The following LRRC4C variants were observed in gnomAD, a reference collection of about 807,000 sequenced individuals.
LRRC4C encodes the protein leucine rich repeat containing 4C, also known as leucine-rich repeat-containing protein 4C.
In LRRC4C, 5 loss-of-function variants were observed where a neutral mutation model predicts 33.6. That is an observed-to-expected ratio of 0.15 (90% CI 0.08 to 0.31). The LOEUF (loss-of-function observed/expected upper bound fraction) is 0.31. Ranked by LOEUF, LRRC4C falls within the 10% of genes least tolerant of loss-of-function variation. LRRC4C has a pLI of 1.00. For missense variants in LRRC4C, 560 were observed against 796.7 expected (o/e 0.70, Z 3.58); for synonymous variants, 329 against 302.0 (o/e 1.09, Z -0.93).
At chr11:41,114,603 C>T (rs1377718645) in intron 1 of LRRC4C, among the ~76,000 whole-genome samples, 4 of 151,962 alleles carry the variant, frequency 2.6e-5, no homozygotes, top group African/African-American at 9.7e-5. Context: ...TCATAATCTC[C>T]CTTTTTTACA....
At chr11:40,565,118 C>T (rs1957702863) in intron 3 of LRRC4C, among the ~76,000 whole-genome samples, 1 of 152,154 alleles carries the variant, frequency 6.6e-6, no homozygotes, top group African/African-American at 2.4e-5. Flanking sequence ...TGAAATTAAA[C>T]TGCAGTGACA....
At chr11:41,253,420 A>T (rs1948704192) in intron 1 of LRRC4C, among the ~76,000 whole-genome samples, 1 of 152,112 alleles carries the variant, frequency 6.6e-6, no homozygotes, top group Non-Finnish European at 1.5e-5. Flanking sequence ...AGACCATTTC[A>T]TATGAGTTCA....
At position 40,546,925 on chromosome 11, in the gene LRRC4C, G is replaced by T. The variant is rs549239162; in HGVS notation, c.-270+101217C>A. 5.9e-5 allele frequency among the ~76,000 whole-genome samples: 9 copies of T among 152,268 alleles called. No homozygotes were observed. The East Asian group carries it at 1.7e-3, about 29-fold the overall frequency. On this transcript the variant is annotated intron_variant, in intron 3 of 6. Coordinates refer to ENST00000528697, the MANE Select transcript of LRRC4C (RefSeq NM_001258419.2). ...CAAGCTCTTTCTCATATACTATGCA[G>T]CCTGTGCCAGAAAATGGCAATAGTT...
At chr11:41,141,483 A>G (rs555040577) in intron 1 of LRRC4C, among the ~76,000 whole-genome samples, 13 of 152,330 alleles carry the variant, frequency 8.5e-5, no homozygotes, top group Non-Finnish European at 1.9e-4. Flanking sequence ...TTAATTATAC[A>G]TGCCTGATAA....
At chr11:40,274,748 A>G (rs1183748409) in intron 4 of LRRC4C, among the ~76,000 whole-genome samples, 1 of 152,146 alleles carries the variant, frequency 6.6e-6, no homozygotes, top group Non-Finnish European at 1.5e-5. Context: ...TTTTACAGAA[A>G]CATAAGGCTC....
chr11:41,157,921 T>C (rs1039378388), intron 1 of LRRC4C, among the ~76,000 whole-genome samples: 17 of 152,126 alleles, frequency 1.1e-4, no homozygotes, highest in Non-Finnish European at 2.1e-4. Context: ...TACTCTTTAT[T>C]TTTAAATGTA....
chr11:40,958,806 T>C (rs190148264), intron 1 of LRRC4C, among the ~76,000 whole-genome samples: 7 of 151,824 alleles, frequency 4.6e-5, no homozygotes, highest in African/African-American at 1.4e-4. Context: ...CATTTAAACA[T>C]ACAGGATTAC....
At chr11:40,483,274 G>T (rs2138425603) in intron 3 of LRRC4C, among the ~76,000 whole-genome samples, 1 of 152,292 alleles carries the variant, frequency 6.6e-6, no homozygotes, top group South Asian at 2.1e-4. Flanking sequence ...GACCCCTTGA[G>T]CTGGTGAAAG....
At chr11:40,469,115 G>A (rs1233699075) in intron 3 of LRRC4C, among the ~76,000 whole-genome samples, 1 of 152,192 alleles carries the variant, frequency 6.6e-6, no homozygotes, top group Non-Finnish European at 1.5e-5. Flanking sequence ...GAACAGCTCT[G>A]GTCTGCAGCT....
At chr11:41,451,975 G>C (rs186851777) in intron 1 of LRRC4C, among the ~76,000 whole-genome samples, 47 of 152,210 alleles carry the variant, frequency 3.1e-4, no homozygotes, top group Non-Finnish European at 1.8e-4. Flanking sequence ...TCCACTGTCT[G>C]TGTTATTAAT....
At chr11:40,542,913 T>C (rs999423450) in intron 3 of LRRC4C, among the ~76,000 whole-genome samples, 1 of 152,180 alleles carries the variant, frequency 6.6e-6, no homozygotes, top group African/African-American at 2.4e-5. Flanking sequence ...ACATTTAAAC[T>C]GACAGTTACA....
chr11:40,287,256 A>ATG (rs5791367), intron 4 of LRRC4C, among the ~76,000 whole-genome samples: 3,465 of 144,784 alleles, frequency 0.024, 63 homozygotes, highest in African/African-American at 0.057. Flanking sequence ...ATGTCACTGT[A>ATG]TGTGTGTGTG....
intron 5 of LRRC4C, among the ~76,000 whole-genome samples, chr11:40,148,010 C>T (rs1282921164): frequency 6.6e-6 from 1 of 152,104 alleles, no homozygotes; most frequent in Non-Finnish European, 1.5e-5. Flanking sequence ...TTTTCTGTTC[C>T]TGTGCTACTT....
chr11:40,915,942 A>T (rs562684627), intron 2 of LRRC4C, among the ~76,000 whole-genome samples: 2 of 152,364 alleles, frequency 1.3e-5, no homozygotes, highest in African/African-American at 4.8e-5. Flanking sequence ...AGACACATGA[A>T]AAAATGCTCA....
intron 4 of LRRC4C, among the ~76,000 whole-genome samples, chr11:40,283,000 T>G (rs1399667866): frequency 6.6e-6 from 1 of 152,216 alleles, no homozygotes; most frequent in African/African-American, 2.4e-5. Flanking sequence ...AAAATTTACA[T>G]TCTCTTCTTT....
At chr11:40,402,880 G>A (rs1326849228) in intron 3 of LRRC4C, among the ~76,000 whole-genome samples, 1 of 152,108 alleles carries the variant, frequency 6.6e-6, no homozygotes, top group Non-Finnish European at 1.5e-5. Context: ...ATAGCTGGTT[G>A]TGGGAGATCT....
intron 2 of LRRC4C, among the ~76,000 whole-genome samples, chr11:40,700,842 GAAAAT>G (rs1280473206): frequency 2.6e-5 from 4 of 152,058 alleles, no homozygotes; most frequent in Admixed American, 6.6e-5. Context: ...AAAAGCCACA[GAAAAT>G]AAAATAAAAT....
intron 1 of LRRC4C, among the ~76,000 whole-genome samples, chr11:41,284,383 C>T (rs961904537): frequency 1.3e-5 from 2 of 152,210 alleles, no homozygotes; most frequent in Admixed American, 1.3e-4. Flanking sequence ...CCTTCATACG[C>T]TCTCACACTT....
At chr11:41,177,796 C>T (rs1287234800) in intron 1 of LRRC4C, among the ~76,000 whole-genome samples, 1 of 152,156 alleles carries the variant, frequency 6.6e-6, no homozygotes, top group Non-Finnish European at 1.5e-5. Flanking sequence ...TATATATAGG[C>T]AATCACATCG....
Sources: gnomAD v4.1 joint callset for allele counts (sites outside exome capture counted in the v4.1 genomes callset) on GRCh38, gnomAD v4.1.1 for gene constraint, MANE v1.5 for transcripts, NCBI Gene and HGNC (gene_info 2026-07-23, HGNC 2026-07-21) for gene names.